The following ZNF618 variants were observed in gnomAD, a reference collection of about 807,000 sequenced individuals.
ZNF618 encodes zinc finger protein 618.
ZNF618 carries 34 observed loss-of-function variants against 103.0 expected under a neutral mutation model. The ratio of observed to expected loss-of-function variants is 0.33; its 90% CI spans 0.25 to 0.44. The LOEUF (loss-of-function observed/expected upper bound fraction) is 0.44, where lower values mean the gene tolerates loss of function less well. ZNF618 is among the 20% of genes least tolerant of loss of function. The pLI is 1.00. For synonymous variants in ZNF618, 551 were observed against 542.2 expected (o/e 1.02, Z -0.23); for missense variants, 1,059 against 1,295.4 (o/e 0.82, Z 2.80).
intron 2 of ZNF618, among the ~76,000 whole-genome samples, chr9:113,975,445 T>C (rs545950298): frequency 8.5e-5 from 13 of 152,282 alleles, no homozygotes; most frequent in Non-Finnish European, 1.2e-4. Context: ...ACCATTTTGG[T>C]TTTCAGCAGC....
At chr9:114,027,645 T>C (rs1255648405) in intron 10 of ZNF618, among the ~76,000 whole-genome samples, 2 of 152,208 alleles carry the variant, frequency 1.3e-5, no homozygotes, top group Non-Finnish European at 2.9e-5. Context: ...CAGGGGGCCC[T>C]TTCATTTAGG....
intron 1 of ZNF618, among the ~76,000 whole-genome samples, chr9:113,918,138 G>A (rs1259487008): frequency 1.3e-5 from 2 of 152,150 alleles, no homozygotes; most frequent in Non-Finnish European, 2.9e-5. Flanking sequence ...TTTATAGAAT[G>A]CTCCTCCTGG....
intron 9 of ZNF618, among the ~76,000 whole-genome samples, chr9:114,014,934 G>T (rs1219089220): frequency 1.3e-5 from 2 of 152,120 alleles, no homozygotes; most frequent in Non-Finnish European, 2.9e-5. Flanking sequence ...TTGATCCCAT[G>T]AGCTTTTAGG....
intron 3 of ZNF618, among the ~76,000 whole-genome samples, chr9:113,997,557 T>A (rs1281304726): frequency 6.6e-6 from 1 of 152,154 alleles, no homozygotes; most frequent in African/African-American, 2.4e-5. Context: ...GCTGGAATTG[T>A]GAGGATGAAC....
chr9:113,908,488 CTA>C (rs1210871408), intron 1 of ZNF618, among the ~76,000 whole-genome samples: 14 of 152,026 alleles, frequency 9.2e-5, no homozygotes, highest in African/African-American at 2.4e-4. Flanking sequence ...TATTAATATT[CTA>C]TGTTATACAT....
chr9:113,989,921 A>G (rs762277150), intron 3 of ZNF618, among the ~76,000 whole-genome samples: 63 of 152,174 alleles, frequency 4.1e-4, no homozygotes, highest in South Asian at 2.1e-4. Context: ...CCAAAACAGA[A>G]CACCGACCAT....
intron 1 of ZNF618, among the ~76,000 whole-genome samples, chr9:113,911,411 C>T (rs1366358052): frequency 6.6e-6 from 1 of 152,144 alleles, no homozygotes; most frequent in Non-Finnish European, 1.5e-5. Context: ...TCACTGCAAC[C>T]TCTGCCTCCC....
In ZNF618 at chr9:114,049,780, C is replaced by T. The variant is rs370349080; in HGVS notation, c.2478C>T (p.Ile826=). ...PVPPYQHEEI[I]GKVCELINEV... ...CACCCTACCAGCACGAGGAGATCAT[C>T]GGCAAGGTCTGTGAGCTCATCAACG... The change falls in exon 15 of 15, where the codon ATC becomes ATT. Residue 826 remains isoleucine (I), a synonymous_variant. Coordinates refer to ENST00000374126, the MANE Select transcript of ZNF618 (RefSeq NM_001318042.2). The T allele has an allele frequency of 8.1e-5, 130 of 1,613,882 alleles. No individual in the cohort carries two copies. The highest frequency in any genetic ancestry group is 1.6e-4 in the Middle Eastern group (1 of 6,084).
At chr9:114,028,538 C>G (rs1379400232) in intron 10 of ZNF618, 195 bp from the exon 11 acceptor site, 3 of 824,608 alleles carry the variant, frequency 3.6e-6, no homozygotes, top group Non-Finnish European at 5.5e-6. Context: ...GATAACTAAG[C>G]GTGAGCTGAC....
intron 3 of ZNF618, among the ~76,000 whole-genome samples, chr9:113,991,683 G>T (rs1840074318): frequency 6.6e-6 from 1 of 152,176 alleles, no homozygotes; most frequent in South Asian, 2.1e-4. Context: ...TGCAGGATAA[G>T]GTATTAGAAG....
At chr9:113,915,804 C>A (rs1188795355) in intron 1 of ZNF618, among the ~76,000 whole-genome samples, 1 of 152,074 alleles carries the variant, frequency 6.6e-6, no homozygotes, top group Non-Finnish European at 1.5e-5. Context: ...TTGTGGACGA[C>A]CCTGTAAACC....
intron 10 of ZNF618, among the ~76,000 whole-genome samples, chr9:114,021,661 C>A (rs151216580): frequency 6.6e-6 from 1 of 152,030 alleles, no homozygotes; most frequent in Non-Finnish European, 1.5e-5. Context: ...ACCCATGAAA[C>A]GGTCACCACA....
chr9:113,985,156 C>T (rs537051250), intron 2 of ZNF618, among the ~76,000 whole-genome samples: 7 of 152,192 alleles, frequency 4.6e-5, no homozygotes, highest in Non-Finnish European at 1.0e-4. Context: ...GTGTTTGTCC[C>T]CATTGTTTGG....
At chr9:113,950,331 T>C (rs1457683583) in intron 1 of ZNF618, among the ~76,000 whole-genome samples, 1 of 152,208 alleles carries the variant, frequency 6.6e-6, no homozygotes, top group East Asian at 1.9e-4. Flanking sequence ...CTGCTGGCTG[T>C]GTCTCTCATT....
chr9:113,927,280 G>A (rs1437906722), intron 1 of ZNF618, among the ~76,000 whole-genome samples: 3 of 152,174 alleles, frequency 2.0e-5, no homozygotes, highest in Non-Finnish European at 4.4e-5. Context: ...ATCAGGCTAG[G>A]AATTAGGCTG....
In ZNF618 at chr9:113,925,750, C is replaced by T. The variant is rs575634430; in HGVS notation, c.34-43367C>T. 6.4e-4 allele frequency among the ~76,000 whole-genome samples: 97 copies of T among 152,116 alleles called. 2 individuals carry two copies. In the South Asian group the frequency reaches 0.018, roughly 28 times the overall value. ...AGTCCACTTTCAAGTAACACTTTGA[C>T]GCTTCATGGTTAGTGCCACATATCT... is the stretch of plus-strand genomic sequence containing the variant. On this transcript the variant is annotated intron_variant, in intron 1 of 14. Coordinates refer to ENST00000374126, the MANE Select transcript of ZNF618 (RefSeq NM_001318042.2).
chr9:114,039,007 AC>A (rs1588433695), intron 13 of ZNF618, among the ~76,000 whole-genome samples: 2 of 152,176 alleles, frequency 1.3e-5, no homozygotes, highest in East Asian at 3.8e-4. Flanking sequence ...TTCATAGCTA[AC>A]GAAACGGAGG....
intron 1 of ZNF618, among the ~76,000 whole-genome samples, chr9:113,921,659 T>C (rs531561273): frequency 2.0e-5 from 3 of 152,304 alleles, no homozygotes; most frequent in African/African-American, 7.2e-5. Context: ...CAGAACATGA[T>C]CTGGAAAGAA....
At chr9:113,943,088 G>C (rs1191628682) in intron 1 of ZNF618, among the ~76,000 whole-genome samples, 1 of 152,144 alleles carries the variant, frequency 6.6e-6, no homozygotes, top group Non-Finnish European at 1.5e-5. Context: ...TAGGGTAGGG[G>C]TGTGATTTCC....
Sources: gnomAD v4.1 joint callset for allele counts (sites outside exome capture counted in the v4.1 genomes callset) on GRCh38, gnomAD v4.1.1 for gene constraint, MANE v1.5 for transcripts, NCBI Gene and HGNC (gene_info 2026-07-23, HGNC 2026-07-21) for gene names.